VANGL2: variants seen among roughly 807,000 people sequenced by gnomAD.
The protein encoded by VANGL2 is VANGL planar cell polarity protein 2.
Under a neutral mutation model 50.2 loss-of-function variants are expected in VANGL2, and 14 were observed. The observed-to-expected ratio is 0.28, with a 90% CI of 0.18 to 0.44. VANGL2 has a LOEUF of 0.44. VANGL2 is among the 20% of genes least tolerant of loss of function. The pLI, the probability that VANGL2 is intolerant of heterozygous loss-of-function variation, is 1.00. For synonymous variants in VANGL2, 295 were observed against 297.2 expected, an observed-to-expected ratio of 0.99 and a Z score of 0.08; for missense variants, 533 against 701.5, an observed-to-expected ratio of 0.76 and a Z score of 2.71.
chr1:160,410,250 C>A (rs910030410), intron 1 of VANGL2, among the ~76,000 whole-genome samples: 1 of 152,132 alleles, frequency 6.6e-6, no homozygotes, highest in Non-Finnish European at 1.5e-5. Context: ...TTTTAAAAAT[C>A]AAACCCAAGC....
chr1:160,411,349 C>G (rs1372484189), intron 1 of VANGL2, among the ~76,000 whole-genome samples: 1 of 151,966 alleles, frequency 6.6e-6, no homozygotes, highest in Non-Finnish European at 1.5e-5. Context: ...CCTGTCTCGT[C>G]ATCCCTCTTG....
chr1:160,424,164 G>A lies in VANGL2; in HGVS notation c.1186G>A (p.Ala396Thr). ...DPREAAQAIFASMARAMQKYL... is the reference protein window; with the variant it reads ...DPREAAQAIFTSMARAMQKYL... ...CCGGGAGGCAGCCCAAGCCATCTTT[G>A]CATCCATGGCCCGTGCCATGCAGAA... The change falls in exon 7 of 8, where the codon GCA becomes ACA. Residue 396 changes from alanine to threonine, a missense_variant. Coordinates refer to ENST00000368061, the MANE Select transcript of VANGL2 (RefSeq NM_020335.3). 6.2e-7 allele frequency: 1 copy of A among 1,614,178 alleles called. No individual in the cohort carries two copies. The highest frequency in any genetic ancestry group is 8.5e-7 in the Non-Finnish European group (1 of 1,180,034).
rs1166372127 is a variant in VANGL2 at position 160,417,942 on chromosome 1, G to A, written c.193-1060G>A. Reference sequence around the variant, plus strand: ...TTTTTTTTTTTTGAGATGGAGTTTCGCTCTTGTTGCCCAGGCTGGAGTGCA... The same window carrying A: ...TTTTTTTTTTTTGAGATGGAGTTTCACTCTTGTTGCCCAGGCTGGAGTGCA... On this transcript the variant is annotated intron_variant, in intron 3 of 7. Coordinates refer to ENST00000368061, the MANE Select transcript of VANGL2 (RefSeq NM_020335.3). Among the ~76,000 whole-genome samples, 10 of 127,754 alleles carry A rather than the reference G, an allele frequency of 7.8e-5. No homozygotes were observed. The Admixed American group carries it at 9.5e-4, about 12-fold the overall frequency. The allele number at this position is 127,754 out of a possible 152,430, so 83.8% of individuals were successfully genotyped here.
rs1651037689 is a variant in VANGL2, at chr1:160,415,881, G to T, written c.44G>T (p.Gly15Val). The T allele has an allele frequency of 6.2e-7, 1 of 1,614,042 alleles. No homozygotes were observed. The highest frequency in any genetic ancestry group is 1.3e-5 in the African/African-American group (1 of 74,954). The change falls in exon 2 of 8, where the codon GGC becomes GTC. Residue 15 changes from glycine (G) to valine (V), a missense_variant. Gly to Val is a moderately radical substitution (Grantham distance 109). Coordinates refer to ENST00000368061, the MANE Select transcript of VANGL2 (RefSeq NM_020335.3). ...SQYSGYSYKS[G>V]HSRSSRKHRD... ...TACTCGGGCTATTCCTACAAGTCGGGCCACTCCCGCAGCTCCCGCAAGCAC... is the reference window on the plus strand; with the variant it reads ...TACTCGGGCTATTCCTACAAGTCGGTCCACTCCCGCAGCTCCCGCAAGCAC...
chr1:160,423,915 C>T lies in VANGL2; in HGVS notation c.1074-137C>T, dbSNP rs1407465786. The T allele has an allele frequency of 4.3e-6, 4 of 940,850 alleles. No homozygotes were observed. The African/African-American group carries it at 4.9e-5, about 12-fold the overall frequency. The allele number at this position is 940,850 out of a possible 1,614,324, so 58.3% of individuals were successfully genotyped here. On this transcript the variant is annotated intron_variant, in intron 6 of 7. Coordinates refer to ENST00000368061, the MANE Select transcript of VANGL2 (RefSeq NM_020335.3). ...TCCCAGTGGCAGAAAGGCACTATTG[C>T]CTCTGGCTTTGTATTACTTTGGGTG... is the stretch of plus-strand genomic sequence containing the variant.
At chr1:160,406,621 C>A (rs981033049) in intron 1 of VANGL2, among the ~76,000 whole-genome samples, 1 of 152,152 alleles carries the variant, frequency 6.6e-6, no homozygotes, top group Non-Finnish European at 1.5e-5. Context: ...AGGGTTTTCT[C>A]ACAGCCCCTA....
At chr1:160,409,183 C>T (rs1042479858) in intron 1 of VANGL2, among the ~76,000 whole-genome samples, 1 of 152,198 alleles carries the variant, frequency 6.6e-6, no homozygotes, top group African/African-American at 2.4e-5. Context: ...GAACCAGTGT[C>T]CAGAGCAGTC....
intron 1 of VANGL2, among the ~76,000 whole-genome samples, 151 bp downstream of exon 1, chr1:160,401,020 G>C (rs1354411890): frequency 2.0e-5 from 3 of 152,252 alleles, no homozygotes; most frequent in Non-Finnish European, 4.4e-5. Context: ...ATGGGGGAAG[G>C]GGGGCTGGAC....
intron 1 of VANGL2, among the ~76,000 whole-genome samples, chr1:160,408,473 C>T (rs1037709066): frequency 6.6e-6 from 1 of 152,070 alleles, no homozygotes; most frequent in Non-Finnish European, 1.5e-5. Flanking sequence ...GTCTGTGGGC[C>T]CTTCCCCTGC....
intron 1 of VANGL2, among the ~76,000 whole-genome samples, chr1:160,403,774 T>TAA (rs1414629509): frequency 6.6e-6 from 1 of 152,200 alleles, no homozygotes; most frequent in Non-Finnish European, 1.5e-5. Flanking sequence ...GGGCAAGTAA[T>TAA]AAACCCCATT....
chr1:160,413,450 G>A (rs1012552071), intron 1 of VANGL2, among the ~76,000 whole-genome samples: 1 of 151,954 alleles, frequency 6.6e-6, no homozygotes, highest in African/African-American at 2.4e-5. Context: ...TTTTAGTAGA[G>A]ACGGGGTTTC....
chr1:160,424,988 G>C, intron 7 of VANGL2, 130 bp from the exon 8 acceptor site: 1 of 1,290,980 alleles, frequency 7.7e-7, no homozygotes, highest in Admixed American at 1.8e-5. Flanking sequence ...GTAACATTCT[G>C]AGGTTCTAGT....
rs1281052442 is a variant in VANGL2, at chr1:160,427,127, G to T, written c.*1749G>T. 1.3e-5 allele frequency: 2 copies of T among 152,776 alleles called. No homozygotes were observed. The highest frequency in any genetic ancestry group is 4.8e-5 in the African/African-American group (2 of 41,464). 9.5% of individuals were successfully genotyped at this position (152,776 alleles called of 1,614,324 possible). On this transcript the variant is annotated 3_prime_UTR_variant, in exon 8 of 8. Transcript: ENST00000368061. ...GGCAGGGCCTCTGGCTGGGGCCAGG[G>T]TTATGAGATAGGCCTGTATGAAATA...
Position 160,424,035 on chromosome 1 carries a change from C to A in VANGL2, c.1074-17C>A. 2 of 1,613,482 alleles carry A rather than the reference C, an allele frequency of 1.2e-6. No homozygotes were observed. Among genetic ancestry groups the A allele is most frequent in the Non-Finnish European group, 1.7e-6 (2 of 1,179,584 alleles). ...AAGAGAGGTGGGCATCTGGCCCAGT[C>A]CCCTCCTGTCCCCTAGGCTTGTAGT... On this transcript the variant is annotated splice_polypyrimidine_tract_variant and intron_variant, in intron 6 of 7. Coordinates refer to ENST00000368061, the MANE Select transcript of VANGL2 (RefSeq NM_020335.3).
intron 5 of VANGL2, 46 bp from the exon 6 acceptor site, chr1:160,421,006 G>A (rs766613776): frequency 6.2e-6 from 10 of 1,612,678 alleles, no homozygotes; most frequent in Admixed American, 3.3e-5. Context: ...TGGGAAGAGA[G>A]GCCACACTCT....
At chr1:160,412,172 C>A (rs936854678) in intron 1 of VANGL2, among the ~76,000 whole-genome samples, 1 of 152,138 alleles carries the variant, frequency 6.6e-6, no homozygotes, top group Admixed American at 6.5e-5. Context: ...AGTCACACAG[C>A]TAGTCAGTGG....
chr1:160,419,413 G>T lies in VANGL2; in HGVS notation c.604G>T (p.Val202Leu). Reference sequence around the variant, plus strand: ...GGTCTCCTACTGGCTCTTCTATGGTGTGCGCATCCTGGATGCTCGGGAGCG... The same window carrying T: ...GGTCTCCTACTGGCTCTTCTATGGTTTGCGCATCCTGGATGCTCGGGAGCG... ...LVVSYWLFYG[V>L]RILDARERSY... is the part of the protein sequence containing the mutation. The change falls in exon 4 of 8, where the codon GTG becomes TTG. Residue 202 changes from valine to leucine, a missense_variant. Val to Leu is a conservative substitution (Grantham distance 32, BLOSUM62 1). Transcript: ENST00000368061. This position sits in a 1 kb window ranked among gnomAD's most constrained non-coding sequence, Gnocchi z 5.8. The T allele has an allele frequency of 6.2e-7, 1 of 1,612,250 alleles. No homozygotes were observed.
At chr1:160,424,840 G>T (rs915826375) in intron 7 of VANGL2, among the ~76,000 whole-genome samples, 17 of 152,196 alleles carry the variant, frequency 1.1e-4, no homozygotes, top group African/African-American at 2.7e-4. Context: ...ACAGCCTGGT[G>T]CAGGGAGAAG....
Position 160,427,538 on chromosome 1 carries a change from T to C in VANGL2, c.*2160T>C, listed in dbSNP as rs1651501756. ...TTGGTCTTTTGCTTCAGAACTGTGG[T>C]ATCTTTGTCTTTTTTCATTATTATT... On this transcript the variant is annotated 3_prime_UTR_variant, in exon 8 of 8. Transcript: ENST00000368061. 2 of 150,438 alleles carry C rather than the reference T, an allele frequency of 1.3e-5. No homozygotes were observed. The highest frequency in any genetic ancestry group is 1.3e-4 in the Admixed American group (2 of 15,074). The allele number at this position is 150,438 out of a possible 1,614,324, so 9.3% of individuals were successfully genotyped here.
Sources: allele counts gnomAD v4.1 joint callset (sites outside exome capture counted in the v4.1 genomes callset), GRCh38; gene constraint gnomAD v4.1.1; non-coding constraint Gnocchi (gnomAD v3.1); transcripts MANE v1.5; gene names NCBI Gene and HGNC (gene_info 2026-07-23, HGNC 2026-07-21).